MITF: variants seen among roughly 807,000 people sequenced by gnomAD.
MITF encodes melanocyte inducing transcription factor, also known as microphthalmia-associated transcription factor.
MITF carries 17 observed loss-of-function variants against 60.5 expected under a neutral mutation model. That is an observed-to-expected ratio of 0.28 (90% CI 0.19 to 0.42). The LOEUF is 0.42. Ranked by LOEUF, MITF falls within the 10% of genes least tolerant of loss-of-function variation. MITF has a pLI of 1.00. For synonymous variants in MITF, 260 were observed against 248.5 expected (o/e 1.05, Z -0.43); for missense variants, 622 against 683.5 (o/e 0.91, Z 1.00).
At chr3:69,770,518 G>T (rs2062376773) in intron 1 of MITF, among the ~76,000 whole-genome samples, 1 of 152,126 alleles carries the variant, frequency 6.6e-6, no homozygotes, top group South Asian at 2.1e-4. Flanking sequence ...TTTTTAAGTA[G>T]GATTGGTCTT....
intron 1 of MITF, among the ~76,000 whole-genome samples, chr3:69,863,363 G>A (rs1320606548): frequency 6.6e-6 from 1 of 152,156 alleles, no homozygotes; most frequent in African/African-American, 2.4e-5. Flanking sequence ...TATCCAAGAA[G>A]GTTCCCTTAG....
intron 2 of MITF, chr3:69,936,517 T>C: frequency 1.6e-6 from 2 of 1,272,744 alleles, no homozygotes; most frequent in South Asian, 4.6e-5. Context: ...AAGGCCCTTA[T>C]GTGAACGTTT....
chr3:69,830,795 A>T (rs1234133171), intron 1 of MITF, among the ~76,000 whole-genome samples: 1 of 152,196 alleles, frequency 6.6e-6, no homozygotes, highest in Non-Finnish European at 1.5e-5. Flanking sequence ...TGGTTGCTCC[A>T]TGTATACTGC....
In MITF at chr3:69,739,607, G is replaced by A. The variant is rs1703448556; in HGVS notation, c.10G>A (p.Glu4Lys). The change falls in exon 1 of 10, where the codon GAA becomes AAA. Residue 4 changes from glutamate (E) to lysine (K), a missense_variant. Around this residue, in one of 5 missense-constraint regions of MITF, gnomAD observed 149 missense variants for 157.8 expected, o/e 0.94. Transcript: ENST00000352241. MQS[E>K]SGIVPDFEVG... ...ACGGGAAGCGGGAGCCATGCAGTCC[G>A]AATCGGGGATCGTGCCGGATTTCGA... 6.3e-7 allele frequency: 1 copy of A among 1,575,340 alleles called. No homozygotes were observed. Among genetic ancestry groups the A allele is most frequent in the East Asian group, 2.3e-5 (1 of 43,592 alleles).
rs554512276 is a variant in MITF at position 69,926,618 on chromosome 3, C to T, written c.355-11204C>T. Among the ~76,000 whole-genome samples the T allele has an allele frequency of 3.3e-5, 5 of 152,130 alleles. No individual in the cohort carries two copies. In the South Asian group the frequency reaches 8.3e-4, roughly 25 times the overall value. On this transcript the variant is annotated intron_variant, in intron 2 of 9. Coordinates refer to ENST00000352241, the MANE Select transcript of MITF (RefSeq NM_001354604.2). The stretch of plus-strand genomic sequence containing the variant: ...TCTGAGGCAGGGCTAAACTGGGGCA[C>T]GTGGAAAAGTTCTAGCATGTGGAAT...
At chr3:69,805,952 T>C (rs2062999090) in intron 1 of MITF, among the ~76,000 whole-genome samples, 1 of 152,150 alleles carries the variant, frequency 6.6e-6, no homozygotes, top group South Asian at 2.1e-4. Flanking sequence ...TGAGCCACCA[T>C]GCATGGCCAA....
chr3:69,963,105 C>G lies in MITF; in HGVS notation c.1180-1742C>G, dbSNP rs142729214. Reference sequence around the variant, plus strand: ...AAATCTCTTTTTAAATTAATTGCCTCTTTAAAGGCCCTATCTCCAAATACA... The same window carrying G: ...AAATCTCTTTTTAAATTAATTGCCTGTTTAAAGGCCCTATCTCCAAATACA... On this transcript the variant is annotated intron_variant, in intron 9 of 9. Coordinates refer to ENST00000352241, the MANE Select transcript of MITF (RefSeq NM_001354604.2). 1.6e-3 allele frequency among the ~76,000 whole-genome samples: 240 copies of G among 152,248 alleles called. 2 individuals are homozygous for G. Among genetic ancestry groups the G allele is most frequent in the African/African-American group, 5.6e-3 (232 of 41,552 alleles).
chr3:69,821,887 C>A (rs1481751799), intron 1 of MITF, among the ~76,000 whole-genome samples: 9 of 152,040 alleles, frequency 5.9e-5, no homozygotes, highest in Admixed American at 5.9e-4. Context: ...GGATTACAGG[C>A]ACATGCCACT....
chr3:69,964,172 T>C (rs2066625572), intron 9 of MITF, among the ~76,000 whole-genome samples: 2 of 152,066 alleles, frequency 1.3e-5, no homozygotes, highest in Admixed American at 1.3e-4. Context: ...AGACGGGGTT[T>C]CAACCATGTT....
intron 1 of MITF, among the ~76,000 whole-genome samples, chr3:69,832,299 T>C (rs1385801583): frequency 6.6e-6 from 1 of 152,192 alleles, no homozygotes; most frequent in African/African-American, 2.4e-5. Context: ...GGGAAAGGAC[T>C]GGGTGAGGCC....
chr3:69,784,104 T>G (rs2062610954), intron 1 of MITF, among the ~76,000 whole-genome samples: 1 of 152,322 alleles, frequency 6.6e-6, no homozygotes, highest in Middle Eastern at 3.4e-3. Context: ...AATATCACAA[T>G]TCCATCTTTT....
At chr3:69,818,336 GT>G (rs2063214013) in intron 1 of MITF, among the ~76,000 whole-genome samples, 1 of 152,080 alleles carries the variant, frequency 6.6e-6, no homozygotes, top group Non-Finnish European at 1.5e-5. Flanking sequence ...CCTCTTAGGT[GT>G]CCTGTTCATT....
intron 2 of MITF, among the ~76,000 whole-genome samples, chr3:69,919,440 A>G (rs1267408304): frequency 6.6e-6 from 1 of 152,248 alleles, no homozygotes; most frequent in Non-Finnish European, 1.5e-5. Context: ...AAAACGATCT[A>G]GAATCTTTAA....
At chr3:69,749,779 A>G (rs909388299) in intron 1 of MITF, among the ~76,000 whole-genome samples, 1 of 152,228 alleles carries the variant, frequency 6.6e-6, no homozygotes, top group African/African-American at 2.4e-5. Flanking sequence ...TATATTAAAC[A>G]ACCAGTGTGT....
chr3:69,754,758 G>T (rs933901973), intron 1 of MITF, among the ~76,000 whole-genome samples: 45 of 151,988 alleles, frequency 3.0e-4, no homozygotes, highest in African/African-American at 1.1e-3. Context: ...TAATTGTACA[G>T]ATTAAAAGAA....
intron 1 of MITF, among the ~76,000 whole-genome samples, chr3:69,747,738 A>G (rs1340745859): frequency 1.3e-5 from 2 of 152,234 alleles, no homozygotes; most frequent in Admixed American, 6.5e-5. Flanking sequence ...GGACTAAAAG[A>G]GGAGATGGGT....
chr3:69,888,045 G>A (rs535671052), intron 2 of MITF, among the ~76,000 whole-genome samples: 2 of 152,136 alleles, frequency 1.3e-5, no homozygotes, highest in African/African-American at 4.8e-5. Flanking sequence ...CAATCACCCG[G>A]TCGGGAAGTA....
At chr3:69,845,277 G>A (rs1439620489) in intron 1 of MITF, among the ~76,000 whole-genome samples, 1 of 151,858 alleles carries the variant, frequency 6.6e-6, no homozygotes, top group Non-Finnish European at 1.5e-5. Context: ...AAAATTAGGA[G>A]AATGACTTCT....
At chr3:69,880,171 C>T (rs1362768861) in intron 2 of MITF, among the ~76,000 whole-genome samples, 2 of 152,114 alleles carry the variant, frequency 1.3e-5, no homozygotes, top group Non-Finnish European at 2.9e-5. Context: ...AGTACCTGCT[C>T]ACCTAATTCT....
Sources: allele counts gnomAD v4.1 joint callset (sites outside exome capture counted in the v4.1 genomes callset), GRCh38; gene constraint gnomAD v4.1.1; regional missense constraint gnomAD v4.1.1; transcripts MANE v1.5; gene names NCBI Gene and HGNC (gene_info 2026-07-23, HGNC 2026-07-21).